MACROD2: variants seen among roughly 807,000 people sequenced by gnomAD.
MACROD2 encodes the protein mono-ADP ribosylhydrolase 2, also known as ADP-ribose glycohydrolase MACROD2.
Under a neutral mutation model 70.4 loss-of-function variants are expected in MACROD2, and 36 were observed. That is an observed-to-expected ratio of 0.51 (90% CI 0.39 to 0.68). The LOEUF (loss-of-function observed/expected upper bound fraction) is 0.68. MACROD2 is among the 30% of genes least tolerant of loss of function. The probability of loss-of-function intolerance (pLI) is 0.00; values close to 1 mark genes in which losing one functional copy is unlikely to be tolerated. For missense variants in MACROD2, 496 were observed against 538.4 expected (o/e 0.92, Z 0.78); for synonymous variants, 172 against 178.8 (o/e 0.96, Z 0.30).
intron 5 of MACROD2, among the ~76,000 whole-genome samples, chr20:14,927,432 T>G (rs954833752): frequency 1.3e-5 from 2 of 152,142 alleles, no homozygotes. Flanking sequence ...TATTGTCACT[T>G]ACGACATTAA....
intron 10 of MACROD2, among the ~76,000 whole-genome samples, chr20:15,914,417 G>C (rs140629683): frequency 5.0e-4 from 76 of 152,294 alleles, no homozygotes; most frequent in African/African-American, 1.8e-3. Flanking sequence ...AGTTGGGCCA[G>C]GTTTAAACCT....
intron 4 of MACROD2, among the ~76,000 whole-genome samples, chr20:14,522,026 A>G (rs1600336110): frequency 6.6e-6 from 1 of 152,114 alleles, no homozygotes; most frequent in African/African-American, 2.4e-5. Flanking sequence ...GGGTTAATGA[A>G]GCCTTCCCGT....
intron 5 of MACROD2, among the ~76,000 whole-genome samples, chr20:15,006,155 G>A (rs1408228663): frequency 6.6e-6 from 1 of 150,576 alleles, no homozygotes; most frequent in Admixed American, 6.6e-5. Flanking sequence ...GTGTGTGTGT[G>A]TGTGTGTGTG....
intron 5 of MACROD2, among the ~76,000 whole-genome samples, chr20:15,130,382 A>G (rs1189460744): frequency 6.6e-6 from 1 of 151,944 alleles, no homozygotes; most frequent in Non-Finnish European, 1.5e-5. Context: ...GGCTTTGGTA[A>G]TAGGCAATGT....
chr20:15,862,171 C>T (rs571250546), intron 8 of MACROD2, among the ~76,000 whole-genome samples: 1 of 152,324 alleles, frequency 6.6e-6, no homozygotes, highest in East Asian at 1.9e-4. Flanking sequence ...AATGTTATAT[C>T]GACCTTGCGT....
At chr20:14,955,602 T>G (rs557898420) in intron 5 of MACROD2, among the ~76,000 whole-genome samples, 1 of 152,206 alleles carries the variant, frequency 6.6e-6, no homozygotes, top group South Asian at 2.1e-4. Context: ...TGCAACCTCA[T>G]CTACCAGTGT....
chr20:15,084,808 G>A (rs1358985754), intron 5 of MACROD2, among the ~76,000 whole-genome samples: 1 of 152,112 alleles, frequency 6.6e-6, no homozygotes, highest in East Asian at 1.9e-4. Flanking sequence ...CATACTCAGG[G>A]CAAACTTGTA....
intron 8 of MACROD2, among the ~76,000 whole-genome samples, chr20:15,749,091 C>A (rs1023821991): frequency 2.5e-4 from 38 of 152,208 alleles, no homozygotes; most frequent in African/African-American, 9.1e-4. Context: ...TTTATATGTT[C>A]TTGACTTGAA....
At chr20:14,992,777 G>C (rs2074916388) in intron 5 of MACROD2, among the ~76,000 whole-genome samples, 1 of 152,116 alleles carries the variant, frequency 6.6e-6, no homozygotes. Context: ...ATCGTATATT[G>C]TGAAGTTCCT....
In MACROD2 at chr20:15,770,121, G is replaced by A. The variant is rs188485196; in HGVS notation, c.646-92624G>A. On this transcript the variant is annotated intron_variant, in intron 8 of 17. Transcript: ENST00000684519. ...TTTTTTTTTTTTTTTTAGAGATAGGGTCTTGCTTTCTTGCCCAGGTTGCTG... is the reference window on the plus strand; with the variant it reads ...TTTTTTTTTTTTTTTTAGAGATAGGATCTTGCTTTCTTGCCCAGGTTGCTG... 1.3e-3 allele frequency among the ~76,000 whole-genome samples: 154 copies of A among 118,632 alleles called. 1 individual carries two copies. Among genetic ancestry groups the A allele is most frequent in the South Asian group, 7.0e-3 (28 of 3,976 alleles). 77.8% of individuals were successfully genotyped at this position (118,632 alleles called of 152,430 possible). A position where few individuals can be genotyped will look rare whatever the true frequency, so the allele number is the denominator to read the frequency against.
At chr20:14,636,981 G>C (rs1398148749) in intron 4 of MACROD2, among the ~76,000 whole-genome samples, 1 of 152,110 alleles carries the variant, frequency 6.6e-6, no homozygotes, top group African/African-American at 2.4e-5. Flanking sequence ...CCCAAAAGCT[G>C]AAATGCAGAA....
intron 2 of MACROD2, among the ~76,000 whole-genome samples, chr20:14,078,510 G>A (rs2053946697): frequency 6.6e-6 from 1 of 151,972 alleles, no homozygotes; most frequent in African/African-American, 2.4e-5. Flanking sequence ...AGGTTCAAGC[G>A]ATTCTCCTGC....
intron 5 of MACROD2, among the ~76,000 whole-genome samples, chr20:14,865,978 G>A (rs2073423710): frequency 6.6e-6 from 1 of 152,114 alleles, no homozygotes; most frequent in Non-Finnish European, 1.5e-5. Context: ...CTCTGTTAGA[G>A]TATGTATAGA....
chr20:14,331,339 G>A (rs576751647), intron 3 of MACROD2, among the ~76,000 whole-genome samples: 58 of 152,182 alleles, frequency 3.8e-4, no homozygotes, highest in African/African-American at 1.3e-3. Flanking sequence ...TGAAAAGACG[G>A]AAGATTAATT....
At chr20:14,325,681 A>G in intron 3 of MACROD2, 1 of 1,613,838 alleles carries the variant, frequency 6.2e-7, no homozygotes, top group Non-Finnish European at 8.5e-7. Context: ...GTGTATTACA[A>G]ACTCCTCCTT....
chr20:14,173,794 G>C (rs930195377), intron 3 of MACROD2, among the ~76,000 whole-genome samples: 1 of 152,160 alleles, frequency 6.6e-6, no homozygotes, highest in African/African-American at 2.4e-5. Flanking sequence ...TTCAGATTCT[G>C]CTGTCCCACA....
intron 13 of MACROD2, among the ~76,000 whole-genome samples, chr20:15,982,951 C>T (rs1321837728): frequency 1.3e-5 from 2 of 152,230 alleles, no homozygotes; most frequent in Non-Finnish European, 2.9e-5. Flanking sequence ...GGCCACTGGC[C>T]TTGGCCAGGG....
intron 6 of MACROD2, among the ~76,000 whole-genome samples, chr20:15,328,706 A>G (rs1196978988): frequency 6.6e-6 from 1 of 152,124 alleles, no homozygotes; most frequent in Non-Finnish European, 1.5e-5. Flanking sequence ...ACCACATTAT[A>G]TGCAATTGAA....
chr20:15,542,955 G>A lies in MACROD2; in HGVS notation c.645+43108G>A, dbSNP rs530482416. ...AGTCTACCCCACTGGCAGAGGGTGA[G>A]GACGTGGGAAATGAAGAGGTCCTTT... On this transcript the variant is annotated intron_variant, in intron 8 of 17. Coordinates refer to ENST00000684519, the MANE Select transcript of MACROD2 (RefSeq NM_001351661.2). Among the ~76,000 whole-genome samples, 21 of 152,312 alleles carry A rather than the reference G, an allele frequency of 1.4e-4. No homozygotes were observed. The South Asian group carries it at 4.4e-3, about 32-fold the overall frequency.
Sources: gnomAD v4.1 joint callset for allele counts (sites outside exome capture counted in the v4.1 genomes callset) on GRCh38, gnomAD v4.1.1 for gene constraint, MANE v1.5 for transcripts, NCBI Gene and HGNC (gene_info 2026-07-23, HGNC 2026-07-21) for gene names.